SVEP1: variants seen among roughly 807,000 people sequenced by gnomAD.
SVEP1 encodes the protein sushi, von Willebrand factor type A, EGF and pentraxin domain-containing protein 1.
Under a neutral mutation model 367.3 loss-of-function variants are expected in SVEP1, and 164 were observed. The ratio of observed to expected loss-of-function variants is 0.45; its 90% CI spans 0.39 to 0.51. SVEP1 has a LOEUF of 0.51. SVEP1 is among the 20% of genes least tolerant of loss of function. SVEP1 has a pLI of 0.00. For synonymous variants in SVEP1, 1,666 were observed against 1,611.6 expected (o/e 1.03, Z -0.81); for missense variants, 4,117 against 4,425.3 (o/e 0.93, Z 1.98).
At chr9:110,449,697 AT>A (rs1388852474) in intron 24 of SVEP1, among the ~76,000 whole-genome samples, 1 of 152,228 alleles carries the variant, frequency 6.6e-6, no homozygotes, top group Non-Finnish European at 1.5e-5. Context: ...AAATAAAAAA[AT>A]AAAAATAAAT....
intron 27 of SVEP1, chr9:110,442,893 C>A (rs1432161255): frequency 6.6e-6 from 1 of 152,110 alleles, no homozygotes; most frequent in Non-Finnish European, 1.5e-5. Flanking sequence ...ATACAACTTA[C>A]TTCTAGAATG....
intron 36 of SVEP1, among the ~76,000 whole-genome samples, chr9:110,423,325 C>T (rs190433972): frequency 1.3e-5 from 2 of 152,014 alleles, no homozygotes; most frequent in Admixed American, 6.6e-5. Context: ...AGAACATCTT[C>T]AGGAAGTAGA....
chr9:110,381,798 C>T (rs543895691), intron 43 of SVEP1, among the ~76,000 whole-genome samples: 1 of 152,096 alleles, frequency 6.6e-6, no homozygotes, highest in Non-Finnish European at 1.5e-5. Flanking sequence ...GTTAAAGTCT[C>T]CCACTATTAT....
chr9:110,401,071 T>C, intron 39 of SVEP1, 62 bp from the exon 40 acceptor site: 1 of 1,577,498 alleles, frequency 6.3e-7, no homozygotes, highest in South Asian at 1.2e-5. Flanking sequence ...AATGAAGAAA[T>C]TTGCAAATAT....
Position 110,463,893 on chromosome 9 carries a change from T to C in SVEP1, c.3322+1972A>G, listed in dbSNP as rs527299485. Among the ~76,000 whole-genome samples, 26 of 152,250 alleles carry C rather than the reference T, an allele frequency of 1.7e-4. 1 individual carries two copies. In the South Asian group the frequency reaches 3.1e-3, roughly 18 times the overall value. On this transcript the variant is annotated intron_variant, in intron 18 of 47. Transcript: ENST00000374469. The stretch of plus-strand genomic sequence containing the variant: ...TTTTGTCATTCCTAATTCCCACTCA[T>C]GACAAGCAGAGTGTGGTTAAACTTA...
chr9:110,528,898 T>G lies in SVEP1; in HGVS notation c.965-14792A>C, dbSNP rs558933553. 2.4e-3 allele frequency among the ~76,000 whole-genome samples: 360 copies of G among 152,074 alleles called. 4 individuals carry two copies. The highest frequency in any genetic ancestry group is 8.2e-3 in the African/African-American group (341 of 41,558). ...GAATTTTAATTTTTAATTTATTAAT[T>G]TTCATTTTTGTTGCATTTGCTTTTG... On this transcript the variant is annotated intron_variant, in intron 3 of 47. Coordinates refer to ENST00000374469, the MANE Select transcript of SVEP1 (RefSeq NM_153366.4).
intron 3 of SVEP1, among the ~76,000 whole-genome samples, chr9:110,519,347 C>T (rs187076044): frequency 2.6e-5 from 4 of 152,104 alleles, no homozygotes; most frequent in African/African-American, 7.2e-5. Flanking sequence ...GATGCTCTGG[C>T]GCTTGGTAAA....
In SVEP1 at chr9:110,436,424, T is replaced by C. The variant is rs1828430917; in HGVS notation, c.4720A>G (p.Ile1574Val). ...TAGTCCCAGAGGTTGAGCTGGCTTA[T>C]GGAGCCCACAAAAGACTCAGCTGGG... is the stretch of plus-strand genomic sequence containing the variant. ...FSPAESFVGS[I>V]SQLNLWDYVL... is the part of the protein sequence containing the mutation. The change falls in exon 28 of 48, where the codon ATA becomes GTA. Residue 1574 changes from isoleucine to valine, a missense_variant. By Grantham distance (29) the Ile-to-Val change is conservative. Transcript: ENST00000374469. The C allele has an allele frequency of 1.2e-6, 2 of 1,613,880 alleles. No homozygotes were observed. The highest frequency in any genetic ancestry group is 1.3e-5 in the African/African-American group (1 of 74,930).
At chr9:110,533,346 A>G (rs1207678545) in intron 3 of SVEP1, among the ~76,000 whole-genome samples, 1 of 152,202 alleles carries the variant, frequency 6.6e-6, no homozygotes, top group Non-Finnish European at 1.5e-5. Context: ...GCCTACTATT[A>G]TTAACCACAT....
At position 110,511,488 on chromosome 9, in the gene SVEP1, CTTTTTTTTTTTTTTTTTTTTT is replaced by C. The variant is rs199993986; in HGVS notation, c.1303+1417_1303+1437del. Among the ~76,000 whole-genome samples the C allele has an allele frequency of 5.2e-3, 405 of 77,572 alleles. 2 individuals are homozygous for C. The highest frequency in any genetic ancestry group is 8.8e-3 in the Non-Finnish European group (319 of 36,268). The allele number at this position is 77,572 out of a possible 152,430, so 50.9% of individuals were successfully genotyped here. ...CTAGGTCCATTCATTGTGTCAGTAC[CTTTTTTTTTTTTTTTTTTTTT>C]TTTTTTTTTTTTTTTTTACTTCTAA... On this transcript the variant is annotated intron_variant, in intron 5 of 47. Transcript: ENST00000374469.
intron 24 of SVEP1, among the ~76,000 whole-genome samples, chr9:110,449,607 C>T (rs10980392): frequency 0.16 from 24,611 of 151,990 alleles, 2,187 homozygotes; most frequent in South Asian, 0.23. Flanking sequence ...CGCTTTAAAC[C>T]GGGAGAAAGA....
intron 36 of SVEP1, 66 bp from the exon 37 acceptor site, chr9:110,411,801 C>A: frequency 7.3e-7 from 1 of 1,375,572 alleles, no homozygotes; most frequent in Non-Finnish European, 9.6e-7. Context: ...TTTGTGTCTT[C>A]TTCTATTTTT....
At chr9:110,409,375 T>C (rs1357569960) in intron 37 of SVEP1, among the ~76,000 whole-genome samples, 7 of 152,188 alleles carry the variant, frequency 4.6e-5, no homozygotes, top group South Asian at 2.1e-4. Flanking sequence ...TGAGCTGAGA[T>C]TGTGCCACTG....
At chr9:110,390,348 C>CTTATATAAGTATATATAT (rs1484401976) in intron 40 of SVEP1, among the ~76,000 whole-genome samples, 1,291 of 30,932 alleles carry the variant, frequency 0.042, 237 homozygotes, top group Middle Eastern at 0.06. Flanking sequence ...TACTTATATA[C>CTTATATAAGTATATATAT]ACTTATATAT....
chr9:110,541,882 T>C (rs1228887676), intron 3 of SVEP1, among the ~76,000 whole-genome samples: 1 of 138,686 alleles, frequency 7.2e-6, no homozygotes, highest in East Asian at 2.2e-4. Flanking sequence ...TCTATATATA[T>C]CTATATACAT....
chr9:110,397,656 C>T (rs952915072), intron 40 of SVEP1, among the ~76,000 whole-genome samples: 3 of 152,142 alleles, frequency 2.0e-5, no homozygotes, highest in African/African-American at 7.2e-5. Context: ...TCTCAGGATA[C>T]AAAATCAATG....
intron 35 of SVEP1, 53 bp from the exon 36 acceptor site, chr9:110,427,811 G>C (rs1274459864): frequency 1.9e-6 from 3 of 1,541,426 alleles, no homozygotes; most frequent in Non-Finnish European, 2.6e-6. Flanking sequence ...TGCTGCTATG[G>C]AGATAAAACA....
chr9:110,546,684 C>T (rs569395824), intron 2 of SVEP1, among the ~76,000 whole-genome samples: 1 of 152,286 alleles, frequency 6.6e-6, no homozygotes, highest in South Asian at 2.1e-4. Context: ...AACGAGTCCC[C>T]AGATCCTTGT....
chr9:110,432,737 A>C, intron 30 of SVEP1, 102 bp from the exon 31 acceptor site: 1 of 1,356,502 alleles, frequency 7.4e-7, no homozygotes, highest in Non-Finnish European at 1.0e-6. Context: ...TGACATTTTT[A>C]CTGAATGCAA....
Sources: gnomAD v4.1 joint callset for allele counts (sites outside exome capture counted in the v4.1 genomes callset) on GRCh38, gnomAD v4.1.1 for gene constraint, MANE v1.5 for transcripts, NCBI Gene and HGNC (gene_info 2026-07-23, HGNC 2026-07-21) for gene names.